ANKEF1: variants seen among roughly 807,000 people sequenced by gnomAD.
ANKEF1 encodes the protein ankyrin repeat and EF-hand domain-containing protein 1.
Under a neutral mutation model 65.1 loss-of-function variants are expected in ANKEF1, and 43 were observed. The ratio of observed to expected loss-of-function variants is 0.66; its 90% CI spans 0.52 to 0.85. The LOEUF (loss-of-function observed/expected upper bound fraction) is 0.85. ANKEF1 is among the 40% of genes least tolerant of loss of function. ANKEF1 has a pLI of 0.00. For missense variants in ANKEF1, 934 were observed against 952.9 expected (o/e 0.98, Z 0.26); for synonymous variants, 316 against 341.5 (o/e 0.93, Z 0.82).
Position 10,050,213 on chromosome 20 carries a change from G to T in ANKEF1, c.1643+1G>T. On this transcript the variant is annotated splice_donor_variant, in intron 7 of 10. Coordinates refer to ENST00000378392, the MANE Select transcript of ANKEF1 (RefSeq NM_022096.6). LOFTEE classifies it high-confidence loss of function. ...TGGTCAAGTTTCTTCTTGAAAAAGG[G>T]TACGCGTCTCCGTCGGGTGTGGCCT... 6.3e-7 allele frequency: 1 copy of T among 1,598,130 alleles called. No individual in the cohort carries two copies.
intron 5 of ANKEF1, 52 bp from the exon 6 acceptor site, chr20:10,045,522 A>G (rs1984465644): frequency 6.3e-7 from 1 of 1,585,154 alleles, no homozygotes; most frequent in Non-Finnish European, 8.7e-7. Context: ...CAGTCTTTAT[A>G]TAGTAAATGT....
chr20:10,043,593 G>A (rs1412087959), intron 4 of ANKEF1, among the ~76,000 whole-genome samples: 2 of 150,922 alleles, frequency 1.3e-5, no homozygotes, highest in Non-Finnish European at 2.9e-5. Context: ...ATGCCTAATA[G>A]GATTTATCTT....
In ANKEF1 at chr20:10,044,167, A is replaced by T. The variant is rs531584861; in HGVS notation, c.547-227A>T. On this transcript the variant is annotated intron_variant, in intron 4 of 10. Transcript: ENST00000378392. ...TTTAGCATGATATTCTCACAGGGGC[A>T]TGCAGTGTGACCTTGACTCTGATTT... is the stretch of plus-strand genomic sequence containing the variant. Among the ~76,000 whole-genome samples, 31 of 152,178 alleles carry T rather than the reference A, an allele frequency of 2.0e-4. 1 individual carries two copies. Among genetic ancestry groups the T allele is most frequent in the Non-Finnish European group, 4.1e-4 (28 of 68,024 alleles).
intron 2 of ANKEF1, among the ~76,000 whole-genome samples, chr20:10,036,410 A>T (rs1475971771): frequency 6.6e-6 from 1 of 152,240 alleles, no homozygotes; most frequent in Non-Finnish European, 1.5e-5. Context: ...CCTAATCGGA[A>T]TATGGCCGAT....
rs1390713541 is a variant in ANKEF1 at position 10,058,267 on chromosome 20, C to T, written c.*2607C>T. 2.0e-5 allele frequency: 3 copies of T among 152,112 alleles called. No individual in the cohort carries two copies. Among genetic ancestry groups the T allele is most frequent in the Non-Finnish European group, 4.4e-5 (3 of 68,004 alleles). The allele number at this position is 152,112 out of a possible 1,614,324, so 9.4% of individuals were successfully genotyped here. ...CAATTGTTGTCTTTTCTCAAGCTTA[C>T]TTTATTGCACAAATACAGTATTTAT... On this transcript the variant is annotated 3_prime_UTR_variant, in exon 11 of 11. Coordinates refer to ENST00000378392, the MANE Select transcript of ANKEF1 (RefSeq NM_022096.6).
Position 10,051,674 on chromosome 20 carries a change from A to C in ANKEF1, c.1655A>C (p.Asn552Thr). 3 of 1,613,040 alleles carry C rather than the reference A, an allele frequency of 1.9e-6. No homozygotes were observed. Among genetic ancestry groups the C allele is most frequent in the Non-Finnish European group, 2.5e-6 (3 of 1,179,314 alleles). The change falls in exon 8 of 11, where the codon AAT (asparagine) becomes ACT (threonine). Residue 552 changes from asparagine (N) to threonine (T), a missense_variant. Transcript: ENST00000378392. Reference sequence around the variant, plus strand: ...ATCTTATTTTACAGAGCTAACGTTAATGCAACAGATAACTTTCTGTGGACT... The same window carrying C: ...ATCTTATTTTACAGAGCTAACGTTACTGCAACAGATAACTTTCTGTGGACT... The part of the protein sequence containing the change: ...KFLLEKGANV[N>T]ATDNFLWTPL...
chr20:10,042,567 T>C (rs773769325), intron 3 of ANKEF1, among the ~76,000 whole-genome samples: 2 of 152,222 alleles, frequency 1.3e-5, no homozygotes, highest in Non-Finnish European at 2.9e-5. Context: ...GGATTTAGCA[T>C]GTTCCTTTCT....
At chr20:10,045,501 G>A (rs537848064) in intron 5 of ANKEF1, 73 bp from the exon 6 acceptor site, 35 of 1,492,554 alleles carry the variant, frequency 2.3e-5, no homozygotes, top group Admixed American at 5.1e-5. Flanking sequence ...GGATAGTGCC[G>A]GTCTAGCTGT....
At chr20:10,045,754 A>T in intron 6 of ANKEF1, 57 bp downstream of exon 6, 1 of 1,591,070 alleles carries the variant, frequency 6.3e-7, no homozygotes, top group Non-Finnish European at 8.6e-7. Context: ...CATGTCATAG[A>T]TAAGCAGAGA....
chr20:10,050,712 A>T (rs533630514), intron 7 of ANKEF1, among the ~76,000 whole-genome samples: 4 of 152,336 alleles, frequency 2.6e-5, no homozygotes, highest in Admixed American at 1.3e-4. Flanking sequence ...TCTTCTGATT[A>T]TTACTGGCCT....
At chr20:10,049,298 A>T in intron 6 of ANKEF1, 92 bp from the exon 7 acceptor site, 2 of 1,217,874 alleles carry the variant, frequency 1.6e-6, no homozygotes, top group Non-Finnish European at 2.3e-6. Flanking sequence ...TTTACTAATC[A>T]CGAGAAATTA....
intron 4 of ANKEF1, among the ~76,000 whole-genome samples, 169 bp downstream of exon 4, chr20:10,043,490 C>T (rs1186792391): frequency 2.6e-5 from 4 of 151,976 alleles, no homozygotes; most frequent in Non-Finnish European, 2.9e-5. Context: ...TGTGATTCTA[C>T]AGTCTGTTTC....
rs115583213 is a variant in ANKEF1, at chr20:10,049,526, A to G, written c.957A>G (p.Lys319=). ...ATAAACTAGCCAGGCCAGGAGCCAA[A>G]AATCCAAATCCACTGTGGGCCCTTA... The part of the protein sequence containing the change: ...IANKLARPGA[K]NPNPLWALRL... The change falls in exon 7 of 11, where the codon AAA becomes AAG. Residue 319 remains lysine (K), a synonymous_variant. Coordinates refer to ENST00000378392, the MANE Select transcript of ANKEF1 (RefSeq NM_022096.6). 1,220 of 1,614,156 alleles carry G rather than the reference A, an allele frequency of 7.6e-4. 10 individuals carry two copies. The African/African-American group carries it at 0.015, about 19-fold the overall frequency.
intron 10 of ANKEF1, 125 bp downstream of exon 10, chr20:10,054,724 A>C: frequency 9.9e-7 from 1 of 1,015,120 alleles, no homozygotes; most frequent in Non-Finnish European, 1.4e-6. Context: ...CTACTTGTGA[A>C]TGTTCTTTTG....
chr20:10,049,834 A>G lies in ANKEF1; in HGVS notation c.1265A>G (p.Lys422Arg), dbSNP rs576473497. 1.9e-6 allele frequency: 3 copies of G among 1,614,192 alleles called. No homozygotes were observed. Among genetic ancestry groups the G allele is most frequent in the Middle Eastern group, 1.6e-4 (1 of 6,062 alleles). Reference protein sequence around the residue: ...GPKKKEKGMGKKGKKGKFVLP... With the variant: ...GPKKKEKGMGRKGKKGKFVLP... The stretch of plus-strand genomic sequence containing the variant: ...AAGAAAAAGGAAAAAGGGATGGGCA[A>G]AAAAGGAAAGAAAGGGAAATTTGTC... The change falls in exon 7 of 11, where the codon AAA (lysine) becomes AGA (arginine). Residue 422 changes from lysine to arginine, a missense_variant. Physicochemically the swap from Lys to Arg is conservative, Grantham distance 26 (BLOSUM62 2). Transcript: ENST00000378392.
Position 10,049,378 on chromosome 20 carries a change from T to A in ANKEF1, c.821-12T>A, listed in dbSNP as rs1033247909. 1.9e-6 allele frequency: 3 copies of A among 1,598,724 alleles called. No homozygotes were observed. The Admixed American group carries it at 5.2e-5, about 28-fold the overall frequency. On this transcript the variant is annotated splice_polypyrimidine_tract_variant and intron_variant, in intron 6 of 10. Coordinates refer to ENST00000378392, the MANE Select transcript of ANKEF1 (RefSeq NM_022096.6). ...TGGCACCATTCATAATTAATGATGC[T>A]TTATGTTTTAGGATGTGACCTGAAA...
chr20:10,050,291 A>G, intron 7 of ANKEF1, 79 bp downstream of exon 7: 3 of 1,156,386 alleles, frequency 2.6e-6, no homozygotes, highest in Non-Finnish European at 3.6e-6. Context: ...ACCGAATTTT[A>G]GTAATATAGA....
chr20:10,056,859 G>A lies in ANKEF1; in HGVS notation c.*1199G>A, dbSNP rs1985203809. 6.6e-6 allele frequency: 1 copy of A among 152,166 alleles called. No individual in the cohort carries two copies. Among genetic ancestry groups the A allele is most frequent in the South Asian group, 2.1e-4 (1 of 4,826 alleles). The allele number at this position is 152,166 out of a possible 1,614,324, so 9.4% of individuals were successfully genotyped here. On this transcript the variant is annotated 3_prime_UTR_variant, in exon 11 of 11. Coordinates refer to ENST00000378392, the MANE Select transcript of ANKEF1 (RefSeq NM_022096.6). ...GCAGTCTCCTTTACATAAAGTCAAT[G>A]AATTGTAAATATTGGTTGCATGTAC...
intron 4 of ANKEF1, 55 bp downstream of exon 4, chr20:10,043,376 A>G: frequency 6.6e-7 from 1 of 1,508,666 alleles, no homozygotes; most frequent in Non-Finnish European, 9.2e-7. Context: ...AGCATAGTAT[A>G]ATCTTTTCAT....
Sources: allele counts gnomAD v4.1 joint callset (sites outside exome capture counted in the v4.1 genomes callset), GRCh38; gene constraint gnomAD v4.1.1; transcripts MANE v1.5; gene names NCBI Gene and HGNC (gene_info 2026-07-23, HGNC 2026-07-21).